The following CCDC102B variants were observed in gnomAD, a reference collection of about 807,000 sequenced individuals.
CCDC102B encodes the protein coiled-coil domain-containing protein 102B.
CCDC102B carries 75 observed loss-of-function variants against 57.4 expected under a neutral mutation model. The observed-to-expected ratio is 1.31, with a 90% confidence interval of 1.08 to 1.58. CCDC102B has a LOEUF of 1.58. CCDC102B is among the 40% of genes most tolerant of loss of function. The pLI, the probability that CCDC102B is intolerant of heterozygous loss-of-function variation, is 0.00. For missense variants in CCDC102B, 636 were observed against 582.6 expected, an observed-to-expected ratio of 1.09 and a Z score of -0.94; for synonymous variants, 206 against 201.9, an observed-to-expected ratio of 1.02 and a Z score of -0.17.
chr18:68,789,854 T>C (rs2035362409), intron 2 of CCDC102B, among the ~76,000 whole-genome samples: 2 of 151,928 alleles, frequency 1.3e-5, no homozygotes, highest in Non-Finnish European at 2.9e-5. Context: ...TCCGTCCAGC[T>C]TTGTTCCGTT....
intron 1 of CCDC102B, among the ~76,000 whole-genome samples, chr18:68,835,384 T>C (rs1345987961): frequency 5.2e-5 from 1 of 19,088 alleles, no homozygotes; most frequent in African/African-American, 5.7e-5. Flanking sequence ...TTGACACATA[T>C]TACATAATAA....
intron 7 of CCDC102B, among the ~76,000 whole-genome samples, chr18:69,024,284 T>C (rs2051925051): frequency 6.6e-6 from 1 of 152,060 alleles, no homozygotes; most frequent in Non-Finnish European, 1.5e-5. Flanking sequence ...TTACCTAAAG[T>C]AGAAAGTGCA....
At chr18:68,882,192 C>T (rs2039715921) in intron 5 of CCDC102B, among the ~76,000 whole-genome samples, 1 of 152,126 alleles carries the variant, frequency 6.6e-6, no homozygotes, top group Admixed American at 6.5e-5. Flanking sequence ...AATAAATAAA[C>T]AAGACAATTA....
chr18:68,947,147 T>A (rs763227885), intron 6 of CCDC102B, among the ~76,000 whole-genome samples: 8 of 152,026 alleles, frequency 5.3e-5, no homozygotes, highest in Non-Finnish European at 1.2e-4. Flanking sequence ...AAGAATTTAT[T>A]TCTTCATGAC....
At chr18:69,001,242 G>C (rs1184015029) in intron 6 of CCDC102B, among the ~76,000 whole-genome samples, 1 of 152,058 alleles carries the variant, frequency 6.6e-6, no homozygotes, top group Non-Finnish European at 1.5e-5. Flanking sequence ...TTCCCATGCT[G>C]TTAGCTGCTT....
Position 68,752,760 on chromosome 18 carries a change from T to C in CCDC102B, c.-67+36166T>C, listed in dbSNP as rs148009654. ...TTTCATCCCTTGGGTTGTTTTGAAT[T>C]TTGTATGATTACAAGAGATACTGCT... On this transcript the variant is annotated intron_variant, in intron 2 of 3. Coordinates refer to the CCDC102B transcript ENST00000578970. Among the ~76,000 whole-genome samples, 48 of 152,318 alleles carry C rather than the reference T, an allele frequency of 3.2e-4. No homozygotes were observed. In the East Asian group the frequency reaches 9.1e-3, roughly 29 times the overall value.
rs991264844 is a variant in CCDC102B at position 69,054,216 on chromosome 18, T to C, written c.*79T>C. On this transcript the variant is annotated 3_prime_UTR_variant, in exon 8 of 8. Transcript: ENST00000360242. Reference sequence around the variant, plus strand: ...ATCCTTTTCTTAAATATCAGTAAAATTGTTTTTATTAACTAGAAATATTAA... The same window carrying C: ...ATCCTTTTCTTAAATATCAGTAAAACTGTTTTTATTAACTAGAAATATTAA... 7 of 1,426,706 alleles carry C rather than the reference T, an allele frequency of 4.9e-6. No homozygotes were observed. The highest frequency in any genetic ancestry group is 1.5e-5 in the African/African-American group (1 of 67,414). 88.4% of individuals were successfully genotyped at this position (1,426,706 alleles called of 1,614,324 possible). A position where few individuals can be genotyped will look rare whatever the true frequency, so the allele number is the denominator to read the frequency against.
chr18:68,840,376 G>T (rs2037576498), intron 3 of CCDC102B, among the ~76,000 whole-genome samples: 1 of 152,000 alleles, frequency 6.6e-6, no homozygotes, highest in African/African-American at 2.4e-5. Context: ...CTTACTTTCT[G>T]CCAGAAGTTT....
chr18:68,981,409 G>A (rs111767895), intron 6 of CCDC102B, among the ~76,000 whole-genome samples: 18 of 152,156 alleles, frequency 1.2e-4, no homozygotes, highest in African/African-American at 4.1e-4. Flanking sequence ...CAGGACGATG[G>A]TGTGAAAGTC....
Position 68,836,757 on chromosome 18 carries a change from A to T in CCDC102B, c.-7A>T. 1 of 1,607,994 alleles carries T rather than the reference A, an allele frequency of 6.2e-7. No homozygotes were observed. The highest frequency in any genetic ancestry group is 8.5e-7 in the Non-Finnish European group (1 of 1,177,366). On this transcript the variant is annotated 5_prime_UTR_variant, in exon 2 of 8. Transcript: ENST00000360242. Reference sequence around the variant, plus strand: ...TCTCTATCTTTTCTCAGGTCTTAAAAATAAATATGAATTTAGATTCCATAC... The same window carrying T: ...TCTCTATCTTTTCTCAGGTCTTAAATATAAATATGAATTTAGATTCCATAC...
At chr18:68,875,617 G>A (rs930671310) in intron 5 of CCDC102B, among the ~76,000 whole-genome samples, 2 of 152,072 alleles carry the variant, frequency 1.3e-5, no homozygotes, top group Non-Finnish European at 2.9e-5. Context: ...TACATCAGAT[G>A]AATATAGTGC....
chr18:69,011,360 G>A (rs1410363317), intron 7 of CCDC102B: 16 of 306,250 alleles, frequency 5.2e-5, no homozygotes, highest in African/African-American at 8.6e-5. Context: ...GTGCACGTGC[G>A]CATGTGTGTG....
intron 6 of CCDC102B, among the ~76,000 whole-genome samples, chr18:68,948,481 A>C (rs1302538752): frequency 7.0e-6 from 1 of 142,436 alleles, no homozygotes; most frequent in Non-Finnish European, 1.5e-5. Context: ...AATAAGCCAA[A>C]ATTGAAGTGT....
chr18:69,021,340 A>C lies in CCDC102B; in HGVS notation c.1434+10236A>C, dbSNP rs547121554. 2.0e-5 allele frequency among the ~76,000 whole-genome samples: 3 copies of C among 152,332 alleles called. No homozygotes were observed. In the South Asian group the frequency reaches 6.2e-4, roughly 32 times the overall value. On this transcript the variant is annotated intron_variant, in intron 7 of 7. Coordinates refer to ENST00000360242, the MANE Select transcript of CCDC102B (RefSeq NM_024781.3). ...TCACTTTTATCTATGAAAAAGATGT[A>C]GTAAGTGTTTTAGGTAAGATTAAAA...
At chr18:68,836,101 A>G (rs1390734317) in intron 1 of CCDC102B, among the ~76,000 whole-genome samples, 2 of 152,198 alleles carry the variant, frequency 1.3e-5, no homozygotes, top group Admixed American at 6.5e-5. Context: ...TAGTTAGTGG[A>G]CAATAAATAT....
chr18:68,745,330 G>A (rs1449667331), intron 2 of CCDC102B, among the ~76,000 whole-genome samples: 1 of 151,880 alleles, frequency 6.6e-6, no homozygotes, highest in Non-Finnish European at 1.5e-5. Context: ...CTGTGACTAG[G>A]ACTAAGTCTG....
At chr18:68,845,823 T>C (rs185879453) in intron 3 of CCDC102B, among the ~76,000 whole-genome samples, 39 of 151,934 alleles carry the variant, frequency 2.6e-4, no homozygotes, top group Non-Finnish European at 4.6e-4. Flanking sequence ...ACAATCAAAT[T>C]TGAAATATTT....
intron 6 of CCDC102B, among the ~76,000 whole-genome samples, chr18:68,962,550 T>C (rs1289798180): frequency 3.3e-5 from 5 of 152,018 alleles, no homozygotes; most frequent in African/African-American, 1.2e-4. Flanking sequence ...CATCCATTAT[T>C]CCATTTAATG....
At chr18:68,767,086 C>T (rs1333991152) in intron 2 of CCDC102B, among the ~76,000 whole-genome samples, 3 of 152,158 alleles carry the variant, frequency 2.0e-5, no homozygotes, top group East Asian at 1.9e-4. Context: ...AGTATTTTCT[C>T]TTACTAGCTG....
Sources: allele counts gnomAD v4.1 joint callset (sites outside exome capture counted in the v4.1 genomes callset), GRCh38; gene constraint gnomAD v4.1.1; transcripts MANE v1.5; gene names NCBI Gene and HGNC (gene_info 2026-07-23, HGNC 2026-07-21).